The following CAVIN1 variants were observed in gnomAD, a reference collection of about 807,000 sequenced individuals.
The protein encoded by CAVIN1 is caveolae-associated protein 1.
CAVIN1 carries 16 observed loss-of-function variants against 24.0 expected under a neutral mutation model. The ratio of observed to expected loss-of-function variants is 0.67; its 90% CI spans 0.45 to 1.01. CAVIN1 has a LOEUF of 1.01. CAVIN1 is among the 50% of genes least tolerant of loss of function. The pLI, the probability that CAVIN1 is intolerant of heterozygous loss-of-function variation, is 0.00. For synonymous variants in CAVIN1, 256 were observed against 256.4 expected (o/e 1.00, Z 0.02); for missense variants, 510 against 551.7 (o/e 0.92, Z 0.76).
In CAVIN1 at chr17:42,405,027, C is replaced by T; in HGVS notation, c.833G>A (p.Gly278Asp). Residue 278 changes from glycine (G) to aspartate (D), a missense_variant, in exon 2 of 2, where the codon GGC becomes GAC. Physicochemically the swap from Gly to Asp is moderately conservative, Grantham distance 94. Coordinates refer to ENST00000357037, the MANE Select transcript of CAVIN1 (RefSeq NM_012232.6). ...HTLEKRMNKL[G>D]TRLVPAERRE... The stretch of plus-strand genomic sequence containing the variant: ...CCGCTCGGCGGGCACCAGGCGCGTG[C>T]CCAGCTTGTTCATGCGCTTCTCCAG... 1 of 1,614,194 alleles carries T rather than the reference C, an allele frequency of 6.2e-7. No individual in the cohort carries two copies. The highest frequency in any genetic ancestry group is 1.7e-5 in the Admixed American group (1 of 60,026).
At chr17:42,419,828 G>A (rs2085534251) in intron 1 of CAVIN1, among the ~76,000 whole-genome samples, 5 of 151,904 alleles carry the variant, frequency 3.3e-5, no homozygotes, top group Admixed American at 2.0e-4. Flanking sequence ...TAATGACTCA[G>A]AAGTGAGTTT....
chr17:42,418,419 C>T (rs1165499920), intron 1 of CAVIN1, among the ~76,000 whole-genome samples: 3 of 151,772 alleles, frequency 2.0e-5, no homozygotes, highest in African/African-American at 4.8e-5. Context: ...TTAGTAGAGA[C>T]GGGGTTTCTC....
chr17:42,415,244 G>C (rs887341660), intron 1 of CAVIN1, among the ~76,000 whole-genome samples: 1 of 152,162 alleles, frequency 6.6e-6, no homozygotes, highest in Non-Finnish European at 1.5e-5. Flanking sequence ...CGGAAGGAGG[G>C]GGTGGGGAGC....
At position 42,422,675 on chromosome 17, in the gene CAVIN1, G is replaced by A; in HGVS notation, c.423C>T (p.Asn141=). 1 of 1,604,988 alleles carries A rather than the reference G, an allele frequency of 6.2e-7. No homozygotes were observed. The highest frequency in any genetic ancestry group is 8.5e-7 in the Non-Finnish European group (1 of 1,176,170). ...QAGQIKKLEV[N]EAELLRRRNF... Reference sequence around the variant, plus strand: ...TGCGGCGCCGCAGCAGCTCGGCCTCGTTGACCTCCAGCTTCTTGATCTGCC... The same window carrying A: ...TGCGGCGCCGCAGCAGCTCGGCCTCATTGACCTCCAGCTTCTTGATCTGCC... Residue 141 remains asparagine (N), a synonymous_variant, in exon 1 of 2, where the codon AAC becomes AAT. Coordinates refer to ENST00000357037, the MANE Select transcript of CAVIN1 (RefSeq NM_012232.6).
At chr17:42,411,596 TA>T (rs1156988207) in intron 1 of CAVIN1, 1 of 985,338 alleles carries the variant, frequency 1.0e-6, no homozygotes, top group Middle Eastern at 5.2e-4. Context: ...AAAATACGTG[TA>T]AATGTTTTCC....
chr17:42,417,723 C>T (rs965713392), intron 1 of CAVIN1, among the ~76,000 whole-genome samples: 4 of 152,138 alleles, frequency 2.6e-5, no homozygotes, highest in African/African-American at 4.8e-5. Flanking sequence ...CAGTCTTGCT[C>T]TCTTGTCCAG....
intron 1 of CAVIN1, among the ~76,000 whole-genome samples, chr17:42,421,382 C>G (rs1417332395): frequency 6.6e-6 from 1 of 152,186 alleles, no homozygotes; most frequent in African/African-American, 2.4e-5. Context: ...GGTCTTCTAA[C>G]TTGGAGGGTG....
chr17:42,416,425 G>A (rs2085512340), intron 1 of CAVIN1, among the ~76,000 whole-genome samples: 1 of 150,788 alleles, frequency 6.6e-6, no homozygotes, highest in Non-Finnish European at 1.5e-5. Flanking sequence ...AAAGAAGGCC[G>A]GAAGGAATTT....
rs1357085991 is a variant in CAVIN1 at position 42,403,354 on chromosome 17, T to G, written c.*1333A>C. On this transcript the variant is annotated 3_prime_UTR_variant, in exon 2 of 2. Transcript: ENST00000357037. Reference sequence around the variant, plus strand: ...AGGGCCGGCACCCTGCTCTCCCTCCTAACTCCCAGCCTGCTGCTGCCCCCT... The same window carrying G: ...AGGGCCGGCACCCTGCTCTCCCTCCGAACTCCCAGCCTGCTGCTGCCCCCT... 2 of 152,846 alleles carry G rather than the reference T, an allele frequency of 1.3e-5. No individual in the cohort carries two copies. Among genetic ancestry groups the G allele is most frequent in the African/African-American group, 2.4e-5 (1 of 41,382 alleles). The allele number at this position is 152,846 out of a possible 1,614,324, so 9.5% of individuals were successfully genotyped here. A position where few individuals can be genotyped will look rare whatever the true frequency, so the allele number is the denominator to read the frequency against.
At chr17:42,419,391 C>T (rs8064439) in intron 1 of CAVIN1, among the ~76,000 whole-genome samples, 37,019 of 151,694 alleles carry the variant, frequency 0.24, 4,757 homozygotes, top group South Asian at 0.41. Flanking sequence ...TCGCTCACTG[C>T]AACCTCCGCC....
At position 42,404,800 on chromosome 17, in the gene CAVIN1, C is replaced by G; in HGVS notation, c.1060G>C (p.Glu354Gln). The G allele has an allele frequency of 6.2e-7, 1 of 1,607,694 alleles. No homozygotes were observed. The highest frequency in any genetic ancestry group is 8.5e-7 in the Non-Finnish European group (1 of 1,176,670). ...CGCAGGTCGCCGGCCTCCCCGCGCT[C>G]CGCGCCGCCCTCGTCGTCGTCGGCG... ...VGADDDEGGA[E>Q]RGEAGDLRRG... is the part of the protein sequence containing the mutation. Residue 354 changes from glutamate to glutamine, a missense_variant, in exon 2 of 2, where the codon GAG becomes CAG. By Grantham distance (29) the Glu-to-Gln change is conservative (BLOSUM62 2). Coordinates refer to ENST00000357037, the MANE Select transcript of CAVIN1 (RefSeq NM_012232.6).
rs529661517 is a variant in CAVIN1 at position 42,412,029 on chromosome 17, G to A, written c.472-6641C>T. 68 of 985,394 alleles carry A rather than the reference G, an allele frequency of 6.9e-5. 1 individual carries two copies. The Admixed American group carries it at 2.6e-3, about 38-fold the overall frequency. 61.0% of individuals were successfully genotyped at this position (985,394 alleles called of 1,614,324 possible). On this transcript the variant is annotated intron_variant, in intron 1 of 1. Coordinates refer to ENST00000357037, the MANE Select transcript of CAVIN1 (RefSeq NM_012232.6). Reference sequence around the variant, plus strand: ...AAGAGATACCCCACGCCCACAGAACGGGATCCGGGAGACCCTAAACACTCC... The same window carrying A: ...AAGAGATACCCCACGCCCACAGAACAGGATCCGGGAGACCCTAAACACTCC...
At chr17:42,406,827 G>C (rs1310594497) in intron 1 of CAVIN1, among the ~76,000 whole-genome samples, 1 of 151,840 alleles carries the variant, frequency 6.6e-6, no homozygotes, top group African/African-American at 2.4e-5. Context: ...GAAAGAGGAA[G>C]AAGCTGGCTG....
At position 42,404,815 on chromosome 17, in the gene CAVIN1, C is replaced by A; in HGVS notation, c.1045G>T (p.Asp349Tyr). Residue 349 changes from aspartate (D) to tyrosine (Y), a missense_variant, in exon 2 of 2, where the codon GAC (aspartate) becomes TAC (tyrosine). Transcript: ENST00000357037. Reference sequence around the variant, plus strand: ...TCCCCGCGCTCCGCGCCGCCCTCGTCGTCGTCGGCGCCCACCTCCACCATC... The same window carrying A: ...TCCCCGCGCTCCGCGCCGCCCTCGTAGTCGTCGGCGCCCACCTCCACCATC... ...TEMVEVGADD[D>Y]EGGAERGEAG... 6.2e-7 allele frequency: 1 copy of A among 1,612,264 alleles called. No homozygotes were observed. Among genetic ancestry groups the A allele is most frequent in the Non-Finnish European group, 8.5e-7 (1 of 1,179,106 alleles).
Position 42,422,733 on chromosome 17 carries a change from T to C in CAVIN1, c.365A>G (p.Lys122Arg), listed in dbSNP as rs2145490300. The C allele has an allele frequency of 6.2e-7, 1 of 1,611,226 alleles. No individual in the cohort carries two copies. Among genetic ancestry groups the C allele is most frequent in the East Asian group, 2.2e-5 (1 of 44,766 alleles). Residue 122 changes from lysine to arginine, a missense_variant, in exon 1 of 2, where the codon AAG (lysine) becomes AGG (arginine). Physicochemically the swap from Lys to Arg is conservative, Grantham distance 26. Coordinates refer to ENST00000357037, the MANE Select transcript of CAVIN1 (RefSeq NM_012232.6). Reference sequence around the variant, plus strand: ...GCGCTCCAGGCTGCCGCGCACGGTCTTCACGTTGACGCTGACCTTGCGCAC... The same window carrying C: ...GCGCTCCAGGCTGCCGCGCACGGTCCTCACGTTGACGCTGACCTTGCGCAC... ...EKVRKVSVNVKTVRGSLERQA... is the reference protein window; with the variant it reads ...EKVRKVSVNVRTVRGSLERQA...
intron 1 of CAVIN1, among the ~76,000 whole-genome samples, chr17:42,413,558 CAAAAAGGGAAAA>C (rs2085493066): frequency 1.8e-5 from 1 of 57,010 alleles, no homozygotes; most frequent in African/African-American, 5.7e-5. Context: ...AAGTCTGTCT[CAAAAAGGGAAAA>C]AAAAAAAAAA....
chr17:42,405,171 T>A lies in CAVIN1; in HGVS notation c.689A>T (p.Asp230Val), dbSNP rs1164738810. 1 of 1,612,270 alleles carries A rather than the reference T, an allele frequency of 6.2e-7. No homozygotes were observed. The highest frequency in any genetic ancestry group is 1.7e-5 in the Admixed American group (1 of 59,876). Residue 230 changes from aspartate to valine, a missense_variant, in exon 2 of 2, where the codon GAC (aspartate) becomes GTC (valine). Transcript: ENST00000357037. ...RIKRSGLRRV[D>V]DFKKAFSKEK... ...CTTGGAGAAGGCCTTCTTGAAGTCG[T>A]CCACGCGCCGCAGGCCGCTGCGCTT...
At chr17:42,416,076 A>G (rs34527783) in intron 1 of CAVIN1, among the ~76,000 whole-genome samples, 37,054 of 152,120 alleles carry the variant, frequency 0.24, 4,784 homozygotes, top group South Asian at 0.41. Context: ...CCCTCTAGAA[A>G]AAACATTTAG....
intron 1 of CAVIN1, among the ~76,000 whole-genome samples, chr17:42,416,910 G>T (rs560787803): frequency 6.6e-6 from 1 of 152,240 alleles, no homozygotes; most frequent in East Asian, 1.9e-4. Context: ...ATTTGGGGAG[G>T]AGAAGCCATC....
Sources: gnomAD v4.1 joint callset for allele counts (sites outside exome capture counted in the v4.1 genomes callset) on GRCh38, gnomAD v4.1.1 for gene constraint, MANE v1.5 for transcripts, NCBI Gene and HGNC (gene_info 2026-07-23, HGNC 2026-07-21) for gene names.